Variants in SEL1L2 observed in about 807,000 individuals in gnomAD.
The protein encoded by SEL1L2 is SEL1L2 adaptor subunit of SYVN1 ubiquitin ligase.
In SEL1L2, 89 loss-of-function variants were observed where a neutral mutation model predicts 98.8. That is an observed-to-expected ratio of 0.90 (90% confidence interval 0.76 to 1.07). The LOEUF is 1.07. Ranked by LOEUF, SEL1L2 falls within the 50% of genes least tolerant of loss-of-function variation. The pLI is 0.00. For synonymous variants in SEL1L2, 262 were observed against 278.5 expected, an observed-to-expected ratio of 0.94 and a Z score of 0.59; for missense variants, 788 against 812.0, an observed-to-expected ratio of 0.97 and a Z score of 0.36.
intron 10 of SEL1L2, among the ~76,000 whole-genome samples, chr20:13,884,083 G>T (rs2046834637): frequency 6.6e-6 from 1 of 152,146 alleles, no homozygotes; most frequent in South Asian, 2.1e-4. Flanking sequence ...ACATTTACCT[G>T]ATGTTTACTG....
At chr20:13,962,672 G>A (rs1327636202) in intron 1 of SEL1L2, among the ~76,000 whole-genome samples, 1 of 152,180 alleles carries the variant, frequency 6.6e-6, no homozygotes, top group African/African-American at 2.4e-5. Flanking sequence ...AGGACTTCTT[G>A]ATTCAAAAAT....
At chr20:13,995,303 C>CGCTCCCTGGCTCCGCCCCCTCCA (rs2052616646), upstream of SEL1L2, 4 of 243,718 alleles carry the variant, frequency 1.6e-5, no homozygotes, top group African/African-American at 9.5e-5. This position sits in a 1 kb window ranked among gnomAD's most constrained non-coding sequence, Gnocchi z 4.3. Context: ...TCCGCCCCCT[C>CGCTCCCTGGCTCCGCCCCCTCCA]GCTCCCTGGC....
chr20:13,983,613 C>T (rs564494459), intron 1 of SEL1L2, among the ~76,000 whole-genome samples: 1 of 152,104 alleles, frequency 6.6e-6, no homozygotes, highest in Admixed American at 6.5e-5. Context: ...CCTCTGCCTC[C>T]CAAGTTCAAG....
At chr20:13,974,652 T>A (rs537242714) in intron 1 of SEL1L2, among the ~76,000 whole-genome samples, 5 of 152,042 alleles carry the variant, frequency 3.3e-5, no homozygotes, top group African/African-American at 7.2e-5. Context: ...CTAATTTTTG[T>A]ATTTTTAGTA....
intron 4 of SEL1L2, among the ~76,000 whole-genome samples, chr20:13,914,595 T>C (rs887343926): frequency 1.5e-4 from 23 of 152,334 alleles, no homozygotes; most frequent in African/African-American, 5.5e-4. Context: ...GTTATATAAC[T>C]TTTCTGTGAC....
intron 18 of SEL1L2, among the ~76,000 whole-genome samples, chr20:13,856,330 A>G (rs760954173): frequency 3.3e-5 from 5 of 152,090 alleles, no homozygotes; most frequent in Non-Finnish European, 7.4e-5. Context: ...AGATTTTGCC[A>G]TGTTAGCCTG....
At chr20:13,862,515 G>T (rs1990298385) in intron 17 of SEL1L2, among the ~76,000 whole-genome samples, 1 of 152,068 alleles carries the variant, frequency 6.6e-6, no homozygotes, top group African/African-American at 2.4e-5. Flanking sequence ...TTCTCATTTG[G>T]CCCTAATGTA....
In SEL1L2 at chr20:13,917,534, G is replaced by A. The variant is rs115607536; in HGVS notation, c.386+1487C>T. Reference sequence around the variant, plus strand: ...TAAAACAGTAACTAGCACAAAGCAGGTGCTTAATAAATGAAAGTTGTTGAT... The same window carrying A: ...TAAAACAGTAACTAGCACAAAGCAGATGCTTAATAAATGAAAGTTGTTGAT... On this transcript the variant is annotated intron_variant, in intron 4 of 19. Coordinates refer to ENST00000284951, the MANE Select transcript of SEL1L2 (RefSeq NM_025229.2). Among the ~76,000 whole-genome samples, 215 of 152,272 alleles carry A rather than the reference G, an allele frequency of 1.4e-3. 3 individuals are homozygous for A. The highest frequency in any genetic ancestry group is 4.9e-3 in the African/African-American group (205 of 41,566).
At chr20:13,932,677 C>G (rs1280124835) in intron 2 of SEL1L2, among the ~76,000 whole-genome samples, 1 of 152,080 alleles carries the variant, frequency 6.6e-6, no homozygotes, top group African/African-American at 2.4e-5. Context: ...GTGATCTGCC[C>G]GCCTCGGCCT....
At chr20:13,864,647 T>C (rs936874359) in intron 17 of SEL1L2, among the ~76,000 whole-genome samples, 1 of 152,218 alleles carries the variant, frequency 6.6e-6, no homozygotes. Context: ...GCCATGTATC[T>C]GTTTTGTTTT....
chr20:13,972,906 G>A (rs904656635), intron 1 of SEL1L2, among the ~76,000 whole-genome samples: 4 of 152,076 alleles, frequency 2.6e-5, no homozygotes, highest in Non-Finnish European at 5.9e-5. Context: ...CACAAAGTGG[G>A]CCTTAATGTG....
rs866279254 is a variant in SEL1L2 at position 13,861,534 on chromosome 20, T to G, written c.1646-2100A>C. Among the ~76,000 whole-genome samples, 21 of 152,222 alleles carry G rather than the reference T, an allele frequency of 1.4e-4. No homozygotes were observed. In the South Asian group the frequency reaches 2.7e-3, roughly 20 times the overall value. On this transcript the variant is annotated intron_variant, in intron 17 of 19. Transcript: ENST00000284951. The stretch of plus-strand genomic sequence containing the variant: ...AGATACAATTCACATACCATCCAAT[T>G]TACCCATTTAAAGGGTACAGTCAAA...
intron 1 of SEL1L2, among the ~76,000 whole-genome samples, chr20:13,967,387 T>C (rs1381281188): frequency 1.3e-5 from 2 of 152,140 alleles, no homozygotes; most frequent in Non-Finnish European, 2.9e-5. Context: ...CCTTACCACA[T>C]GTAAAACTGA....
In SEL1L2 at chr20:13,953,814, G is replaced by C. The variant is rs145651033; in HGVS notation, c.114+2262C>G. ...TAATTTTTCATGGTCGTGTGACAAG[G>C]ACCCTGTTTTTAGCTGAACTAAGGA... On this transcript the variant is annotated intron_variant, in intron 2 of 19. Coordinates refer to ENST00000284951, the MANE Select transcript of SEL1L2 (RefSeq NM_025229.2). Among the ~76,000 whole-genome samples the C allele has an allele frequency of 2.1e-3, 313 of 152,188 alleles. 1 individual carries two copies. Among genetic ancestry groups the C allele is most frequent in the African/African-American group, 7.3e-3 (302 of 41,524 alleles).
At chr20:13,895,672 C>T (rs2047391644) in intron 5 of SEL1L2, among the ~76,000 whole-genome samples, 1 of 152,222 alleles carries the variant, frequency 6.6e-6, no homozygotes, top group African/African-American at 2.4e-5. Context: ...TGAATGCTTT[C>T]TAAGATCAGG....
chr20:13,888,678 G>A (rs370133385), intron 5 of SEL1L2, among the ~76,000 whole-genome samples, 166 bp from the exon 6 acceptor site: 593 of 108,804 alleles, frequency 5.5e-3, no homozygotes, highest in South Asian at 0.011. Flanking sequence ...TCACTCTGTC[G>A]CCCAGGCTGA....
At position 13,858,552 on chromosome 20, in the gene SEL1L2, G is replaced by T. The variant is rs953412514; in HGVS notation, c.1818+710C>A. On this transcript the variant is annotated intron_variant, in intron 18 of 19. Transcript: ENST00000284951. ...GTTGTGTGATGTAAATGACAGAAAC[G>T]CATAGCCCACTTAACCCAATGCCTG... 4.6e-5 allele frequency among the ~76,000 whole-genome samples: 7 copies of T among 152,142 alleles called. No individual in the cohort carries two copies. The South Asian group carries it at 6.2e-4, about 14-fold the overall frequency.
chr20:13,899,605 T>A (rs2047575581), intron 5 of SEL1L2, among the ~76,000 whole-genome samples: 2 of 152,132 alleles, frequency 1.3e-5, no homozygotes, highest in African/African-American at 4.8e-5. Flanking sequence ...AAGCCCTTTT[T>A]TTTATAAGGG....
chr20:13,869,464 T>C, intron 14 of SEL1L2, 39 bp downstream of exon 14: 1 of 1,438,010 alleles, frequency 7.0e-7, no homozygotes. Context: ...ATAATGCATA[T>C]GTCATTCTAA....
Sources: allele counts gnomAD v4.1 joint callset (sites outside exome capture counted in the v4.1 genomes callset), GRCh38; gene constraint gnomAD v4.1.1; non-coding constraint Gnocchi (gnomAD v3.1); transcripts MANE v1.5; gene names NCBI Gene and HGNC (gene_info 2026-07-23, HGNC 2026-07-21).